Variants in SPIRE2 observed in about 807,000 individuals in gnomAD.
SPIRE2 encodes spire type actin nucleation factor 2.
SPIRE2 carries 76 observed loss-of-function variants against 80.7 expected under a neutral mutation model. The ratio of observed to expected loss-of-function variants is 0.94; its 90% confidence interval spans 0.78 to 1.14. SPIRE2 has a LOEUF of 1.14. Among genes scored for constraint, SPIRE2 ranks in the 50% most tolerant of loss-of-function variants. The pLI, the probability that SPIRE2 is intolerant of heterozygous loss-of-function variation, is 0.00. For missense variants in SPIRE2, 1,196 were observed against 1,015.3 expected (o/e 1.18, Z -2.42); for synonymous variants, 535 against 432.6 (o/e 1.24, Z -2.94).
At chr16:89,869,053 A>AAAAAAAATATATATAT in intron 13 of SPIRE2, among the ~76,000 whole-genome samples, 1 of 24,030 alleles carries the variant, frequency 4.2e-5, no homozygotes, top group African/African-American at 1.6e-4. Flanking sequence ...AAAAAAAAAA[A>AAAAAAAATATATATAT]ATATATATAT....
intron 3 of SPIRE2, among the ~76,000 whole-genome samples, chr16:89,853,226 C>G (rs1363502060): frequency 6.6e-6 from 1 of 152,208 alleles, no homozygotes; most frequent in Admixed American, 6.5e-5. Flanking sequence ...TGGTCTCAAA[C>G]TCTTGGGCTC....
intron 1 of SPIRE2, among the ~76,000 whole-genome samples, chr16:89,839,173 C>T (rs111461436): frequency 2.0e-4 from 31 of 152,042 alleles, no homozygotes; most frequent in Non-Finnish European, 1.0e-4. Context: ...AACCCCATCT[C>T]TAAAAATACA....
rs749039179 is a variant in SPIRE2, at chr16:89,855,566, C to T, written c.892-34C>T. On this transcript the variant is annotated intron_variant, in intron 5 of 14. Coordinates refer to ENST00000378247, the MANE Select transcript of SPIRE2 (RefSeq NM_032451.2). ...GTCGCCCTGCACTAGTGGATGGTCC[C>T]TGCAGGGCCTCAGATCAGCCGTCCT... is the stretch of plus-strand genomic sequence containing the variant. 5.0e-6 allele frequency: 8 copies of T among 1,597,526 alleles called. No individual in the cohort carries two copies. The South Asian group carries it at 8.9e-5, about 18-fold the overall frequency.
At chr16:89,840,529 T>A (rs144766880) in intron 1 of SPIRE2, among the ~76,000 whole-genome samples, 9,219 of 151,468 alleles carry the variant, frequency 0.061, 449 homozygotes, top group East Asian at 0.23. Flanking sequence ...ATTACAGGCA[T>A]GAGCCACCAT....
chr16:89,854,480 G>A lies in SPIRE2; in HGVS notation c.727-7G>A, dbSNP rs1218696187. 4.3e-6 allele frequency: 7 copies of A among 1,611,602 alleles called. No homozygotes were observed. In the Admixed American group the frequency reaches 6.7e-5, roughly 15 times the overall value. ...GCTGAGACCCATTCTCTTCCCCTGG[G>A]GCCCAGGCCCGACTGTGGGTTCAGC... On this transcript the variant is annotated splice_polypyrimidine_tract_variant and splice_region_variant and intron_variant, in intron 4 of 14. Transcript: ENST00000378247.
intron 1 of SPIRE2, among the ~76,000 whole-genome samples, chr16:89,843,486 A>G (rs1279821570): frequency 6.6e-6 from 1 of 151,244 alleles, no homozygotes; most frequent in African/African-American, 2.4e-5. Context: ...GGTCTCAGTC[A>G]GATGCCGACT....
intron 3 of SPIRE2, among the ~76,000 whole-genome samples, 181 bp downstream of exon 3, chr16:89,850,841 G>C (rs1417137399): frequency 6.6e-6 from 1 of 151,204 alleles, no homozygotes; most frequent in Non-Finnish European, 1.5e-5. Context: ...TTTTGTTGTT[G>C]TTGTTGTTTT....
intron 2 of SPIRE2, chr16:89,845,816 G>A: frequency 1.8e-6 from 1 of 567,618 alleles, no homozygotes; most frequent in Admixed American, 3.4e-5. Flanking sequence ...CTGCCCTGAA[G>A]TCATGTCTGG....
chr16:89,844,587 C>T (rs1598222081), intron 1 of SPIRE2, among the ~76,000 whole-genome samples: 1 of 151,416 alleles, frequency 6.6e-6, no homozygotes, highest in Non-Finnish European at 1.5e-5. Flanking sequence ...TACAGGTGCC[C>T]GCCACCACGC....
At chr16:89,862,490 G>A (rs1018608023) in intron 10 of SPIRE2, 1 of 152,350 alleles carries the variant, frequency 6.6e-6, no homozygotes, top group Non-Finnish European at 1.5e-5. Flanking sequence ...ATCTGCCCTG[G>A]GCTCACAGCC....
chr16:89,840,284 C>T (rs1747547055), intron 1 of SPIRE2, among the ~76,000 whole-genome samples: 1 of 143,512 alleles, frequency 7.0e-6, no homozygotes, highest in Non-Finnish European at 1.5e-5. Flanking sequence ...GAGTCTCGCT[C>T]TGTCGTCCAG....
intron 10 of SPIRE2, among the ~76,000 whole-genome samples, chr16:89,861,025 G>A (rs1237438506): frequency 1.3e-5 from 2 of 152,116 alleles, no homozygotes; most frequent in Non-Finnish European, 2.9e-5. Context: ...ACTGCACTGC[G>A]GCCCCGGAGC....
intron 3 of SPIRE2, 115 bp downstream of exon 3, chr16:89,850,775 G>A: frequency 4.2e-6 from 3 of 709,602 alleles, no homozygotes; most frequent in South Asian, 4.0e-5. Flanking sequence ...GGTCGTCGGT[G>A]CGACTGCCGC....
At chr16:89,834,951 C>T (rs1235838276) in intron 1 of SPIRE2, among the ~76,000 whole-genome samples, 1 of 148,446 alleles carries the variant, frequency 6.7e-6, no homozygotes, top group East Asian at 2.1e-4. Context: ...CCCGCACTCG[C>T]GGCTGGCCGT....
chr16:89,851,235 C>G (rs1327244079), intron 3 of SPIRE2, among the ~76,000 whole-genome samples: 3 of 152,172 alleles, frequency 2.0e-5, no homozygotes, highest in Admixed American at 1.3e-4. Context: ...CTCTCTTCCT[C>G]CACTTTTACA....
chr16:89,835,285 C>G (rs554300782), intron 1 of SPIRE2, among the ~76,000 whole-genome samples: 2 of 152,342 alleles, frequency 1.3e-5, no homozygotes, highest in Non-Finnish European at 2.9e-5. Context: ...GCTTGGGCAG[C>G]TCTTGCAAGT....
At chr16:89,861,304 C>A (rs1439125006) in intron 10 of SPIRE2, among the ~76,000 whole-genome samples, 1 of 152,196 alleles carries the variant, frequency 6.6e-6, no homozygotes, top group African/African-American at 2.4e-5. Flanking sequence ...GAGTGTGCGG[C>A]CCGTGGGCCA....
intron 13 of SPIRE2, 84 bp downstream of exon 13, chr16:89,868,300 T>A: frequency 7.4e-7 from 1 of 1,357,752 alleles, no homozygotes; most frequent in Non-Finnish European, 1.1e-6. Context: ...TGGATGATGC[T>A]GCCTCACCAG....
chr16:89,837,091 C>T (rs907835777), intron 1 of SPIRE2, among the ~76,000 whole-genome samples: 8 of 152,142 alleles, frequency 5.3e-5, no homozygotes, highest in African/African-American at 1.9e-4. Context: ...CCTGGCCCGT[C>T]GCGTGGGTTC....
Sources: allele counts gnomAD v4.1 joint callset (sites outside exome capture counted in the v4.1 genomes callset), GRCh38; gene constraint gnomAD v4.1.1; transcripts MANE v1.5; gene names NCBI Gene and HGNC (gene_info 2026-07-23, HGNC 2026-07-21).